Variants in RAB3B observed in about 807,000 individuals in gnomAD.
The protein encoded by RAB3B is ras-related protein Rab-3B.
RAB3B carries 11 observed loss-of-function variants against 20.5 expected under a neutral mutation model. The ratio of observed to expected loss-of-function variants is 0.54; its 90% CI spans 0.34 to 0.89. The LOEUF (loss-of-function observed/expected upper bound fraction) is 0.89. Among genes scored for constraint, RAB3B ranks in the 40% least tolerant of loss-of-function variants. The pLI is 0.02. For missense variants in RAB3B, 225 were observed against 280.9 expected (o/e 0.80, Z 1.42); for synonymous variants, 99 against 106.3 (o/e 0.93, Z 0.42).
At chr1:51,967,525 T>TTC (rs1205945550) in intron 2 of RAB3B, among the ~76,000 whole-genome samples, 2 of 70,188 alleles carry the variant, frequency 2.8e-5, no homozygotes, top group African/African-American at 7.9e-5. Context: ...CTTTTTCTTT[T>TTC]TTTTTTTTTT....
At chr1:51,934,570 G>A (rs2124251687) in intron 3 of RAB3B, among the ~76,000 whole-genome samples, 1 of 151,922 alleles carries the variant, frequency 6.6e-6, no homozygotes, top group East Asian at 1.9e-4. Context: ...AGGAGATCGA[G>A]ACCATCCTAG....
rs941857151 is a variant in RAB3B at position 51,911,150 on chromosome 1, A to G, written c.*8777T>C. The G allele has an allele frequency of 6.6e-6, 1 of 152,164 alleles. No homozygotes were observed. The highest frequency in any genetic ancestry group is 1.5e-5 in the Non-Finnish European group (1 of 68,048). 9.4% of individuals were successfully genotyped at this position (152,164 alleles called of 1,614,324 possible). ...GTTAGCTGTTTTGTCTACCTGCTGG[A>G]TACCTGGGAAGCCAGACTCTGTGTG... On this transcript the variant is annotated 3_prime_UTR_variant, in exon 5 of 5. Coordinates refer to ENST00000371655, the MANE Select transcript of RAB3B (RefSeq NM_002867.4).
intron 2 of RAB3B, among the ~76,000 whole-genome samples, chr1:51,971,583 C>A (rs142516686): frequency 9.3e-4 from 141 of 152,028 alleles, no homozygotes; most frequent in African/African-American, 3.1e-3. Context: ...CAGGAGCCTG[C>A]CACCACGCCC....
At chr1:51,941,449 CA>C (rs1312329170) in intron 2 of RAB3B, among the ~76,000 whole-genome samples, 8 of 152,080 alleles carry the variant, frequency 5.3e-5, no homozygotes, top group Non-Finnish European at 1.0e-4. Flanking sequence ...AAGATCTTTG[CA>C]GTAGTACAGG....
At chr1:51,924,372 G>A (rs182528864) in intron 4 of RAB3B, among the ~76,000 whole-genome samples, 1 of 152,166 alleles carries the variant, frequency 6.6e-6, no homozygotes, top group African/African-American at 2.4e-5. Flanking sequence ...TGGAGACCAG[G>A]GACGGTTTCT....
rs1184330749 is a variant in RAB3B, at chr1:51,912,584, TATATATATATATATATAA to T, written c.*7325_*7342del. 7.9e-3 allele frequency: 659 copies of T among 83,948 alleles called. 180 individuals carry two copies. In the South Asian group the frequency reaches 0.1, roughly 13 times the overall value. 5.2% of individuals were successfully genotyped at this position (83,948 alleles called of 1,614,324 possible). ...ATATATATATATATATATATATATA[TATATATATATATATATAA>T]AAAATGTTACTCCTGTGAGACAGAA... On this transcript the variant is annotated 3_prime_UTR_variant, in exon 5 of 5. Transcript: ENST00000371655.
chr1:51,967,777 A>G (rs1458499257), intron 2 of RAB3B, among the ~76,000 whole-genome samples: 2 of 151,414 alleles, frequency 1.3e-5, no homozygotes, highest in Non-Finnish European at 2.9e-5. Flanking sequence ...TGGCCTCCCA[A>G]AGTGCTAGGA....
intron 3 of RAB3B, 43 bp downstream of exon 3, chr1:51,937,251 A>G: frequency 6.8e-7 from 1 of 1,468,776 alleles, no homozygotes; most frequent in Non-Finnish European, 9.5e-7. Context: ...TTAGGTTTTA[A>G]TGAACAGTTT....
At chr1:51,957,856 G>A (rs1684728371) in intron 2 of RAB3B, among the ~76,000 whole-genome samples, 1 of 152,184 alleles carries the variant, frequency 6.6e-6, no homozygotes, top group Admixed American at 6.5e-5. Context: ...GCCTCCGTTG[G>A]TGGTAAATTT....
intron 2 of RAB3B, among the ~76,000 whole-genome samples, chr1:51,940,399 G>T (rs1235625608): frequency 6.6e-6 from 1 of 152,186 alleles, no homozygotes; most frequent in Non-Finnish European, 1.5e-5. Flanking sequence ...AAGGTAGGTA[G>T]ATCATTTGAA....
chr1:51,967,510 C>G (rs75047389), intron 2 of RAB3B, among the ~76,000 whole-genome samples: 4 of 28,208 alleles, frequency 1.4e-4, no homozygotes, highest in African/African-American at 2.8e-4. Context: ...TTTTTCTTTT[C>G]TTTTCTTTTT....
intron 4 of RAB3B, among the ~76,000 whole-genome samples, chr1:51,924,484 G>C (rs950211157): frequency 6.6e-6 from 1 of 152,170 alleles, no homozygotes. Context: ...ACAGGCAGGG[G>C]AGACAGCATG....
chr1:51,981,231 A>G (rs950255648), intron 1 of RAB3B, among the ~76,000 whole-genome samples: 8 of 152,204 alleles, frequency 5.3e-5, no homozygotes, highest in African/African-American at 1.9e-4. Context: ...GGGTTTCACC[A>G]TGCTGTCCAG....
rs558551092 is a variant in RAB3B, at chr1:51,917,436, C to T, written c.*2491G>A. 2.0e-5 allele frequency: 3 copies of T among 152,234 alleles called. No individual in the cohort carries two copies. The highest frequency in any genetic ancestry group is 7.2e-5 in the African/African-American group (3 of 41,546). The allele number at this position is 152,234 out of a possible 1,614,324, so 9.4% of individuals were successfully genotyped here. On this transcript the variant is annotated 3_prime_UTR_variant, in exon 5 of 5. Coordinates refer to ENST00000371655, the MANE Select transcript of RAB3B (RefSeq NM_002867.4). ...GTGGAAAGTAACTGGCCCAGAGTCA[C>T]AGTTGATTTAATGACAGAGTCCGGG...
intron 2 of RAB3B, among the ~76,000 whole-genome samples, chr1:51,943,757 C>T (rs1325061972): frequency 2.0e-5 from 3 of 152,208 alleles, no homozygotes; most frequent in African/African-American, 7.2e-5. Context: ...CAGAGCAAGG[C>T]CTTAACTCTC....
rs1188624781 is a variant in RAB3B, at chr1:51,919,852, C to T, written c.*75G>A. Reference sequence around the variant, plus strand: ...TGTAACAGGGAGAGTGGGCTGAGAGCGGACAGTGTGTAACAGGGAGAAGCA... The same window carrying T: ...TGTAACAGGGAGAGTGGGCTGAGAGTGGACAGTGTGTAACAGGGAGAAGCA... On this transcript the variant is annotated 3_prime_UTR_variant, in exon 5 of 5. Transcript: ENST00000371655. 2.5e-5 allele frequency: 35 copies of T among 1,402,970 alleles called. No homozygotes were observed. Among genetic ancestry groups the T allele is most frequent in the East Asian group, 1.2e-4 (5 of 41,694 alleles). The allele number at this position is 1,402,970 out of a possible 1,614,324, so 86.9% of individuals were successfully genotyped here. A position where few individuals can be genotyped will look rare whatever the true frequency, so the allele number is the denominator to read the frequency against.
intron 4 of RAB3B, among the ~76,000 whole-genome samples, chr1:51,930,871 G>A (rs915467162): frequency 7.9e-5 from 12 of 152,072 alleles, no homozygotes; most frequent in Middle Eastern, 3.4e-3. Context: ...CAAAAAATTA[G>A]CCAGGCATGG....
chr1:51,989,947 G>A (rs568491595), intron 1 of RAB3B, among the ~76,000 whole-genome samples: 1 of 147,924 alleles, frequency 6.8e-6, no homozygotes, highest in Admixed American at 6.7e-5. Context: ...CTCCTTCCCA[G>A]CTATCCATAC....
intron 2 of RAB3B, among the ~76,000 whole-genome samples, chr1:51,941,732 T>C (rs115470955): frequency 3.2e-4 from 48 of 152,284 alleles, no homozygotes; most frequent in Middle Eastern, 3.4e-3. Flanking sequence ...TGAATCACCA[T>C]CTTCTTTTCA....
Sources: allele counts gnomAD v4.1 joint callset (sites outside exome capture counted in the v4.1 genomes callset), GRCh38; gene constraint gnomAD v4.1.1; transcripts MANE v1.5; gene names NCBI Gene and HGNC (gene_info 2026-07-23, HGNC 2026-07-21).